The following FBXL13 variants were observed in gnomAD, a reference collection of about 807,000 sequenced individuals.
FBXL13 encodes F-box and leucine rich repeat protein 13, also known as F-box and leucine-rich repeat protein 13.
Under a neutral mutation model 83.6 loss-of-function variants are expected in FBXL13, and 67 were observed. That is an observed-to-expected ratio of 0.80 (90% CI 0.66 to 0.98). The LOEUF is 0.98. Ranked by LOEUF, FBXL13 falls within the 50% of genes least tolerant of loss-of-function variation. FBXL13 has a pLI of 0.00. For synonymous variants in FBXL13, 272 were observed against 299.5 expected (o/e 0.91, Z 0.95); for missense variants, 822 against 866.5 (o/e 0.95, Z 0.64).
exon 10 of FBXL13, chr7:102,926,339 C>G (rs73408247): frequency 9.3e-6 from 15 of 1,613,836 alleles, no homozygotes; most frequent in Non-Finnish European, 9.3e-6. Flanking sequence ...ACAGGACCCC[C>G]GGGCAGCCCT....
At chr7:103,028,606 G>A (rs1244052717) in exon 4 of FBXL13, 18 of 1,565,170 alleles carry the variant, frequency 1.2e-5, no homozygotes, top group Non-Finnish European at 1.6e-5. Context: ...TTACTTTTAA[G>A]TTTTTCTTTC....
At chr7:103,027,466 T>G (rs201139154) in exon 5 of FBXL13, 1 of 1,611,106 alleles carries the variant, frequency 6.2e-7, no homozygotes, top group Non-Finnish European at 8.5e-7. Flanking sequence ...TCTTCTTTCT[T>G]TTTACTCTTA....
At chr7:102,989,266 G>A (rs964057568) in intron 6 of FBXL13, among the ~76,000 whole-genome samples, 2 of 152,180 alleles carry the variant, frequency 1.3e-5, no homozygotes, top group East Asian at 1.9e-4. Flanking sequence ...TAATGAGGCC[G>A]CTTTCTCTGC....
chr7:102,949,456 A>G (rs562794758), intron 8 of FBXL13, among the ~76,000 whole-genome samples: 1 of 152,270 alleles, frequency 6.6e-6, no homozygotes, highest in South Asian at 2.1e-4. Context: ...CCTAGTGTCC[A>G]TCATTCCTCT....
intron 17 of FBXL13, among the ~76,000 whole-genome samples, chr7:102,838,507 G>T (rs996353414): frequency 6.6e-6 from 1 of 152,008 alleles, no homozygotes; most frequent in Non-Finnish European, 1.5e-5. Flanking sequence ...CTGGAGTGCA[G>T]TGGTGTAGGG....
At chr7:103,011,565 G>A (rs1791623017) in intron 6 of FBXL13, among the ~76,000 whole-genome samples, 1 of 151,432 alleles carries the variant, frequency 6.6e-6, no homozygotes, top group Admixed American at 6.6e-5. Context: ...TTGAACCCGG[G>A]AGGCAGAGGT....
At chr7:102,918,605 C>T (rs1438984067) in intron 10 of FBXL13, among the ~76,000 whole-genome samples, 1 of 152,150 alleles carries the variant, frequency 6.6e-6, no homozygotes, top group Non-Finnish European at 1.5e-5. Context: ...TGCCTGAGGC[C>T]ATGAGTTTGA....
chr7:102,838,699 T>C lies in FBXL13; in HGVS notation c.1720-5725A>G, dbSNP rs1024012077. Among the ~76,000 whole-genome samples the C allele has an allele frequency of 3.3e-5, 5 of 152,298 alleles. No homozygotes were observed. In the South Asian group the frequency reaches 1.0e-3, roughly 32 times the overall value. ...GATCAAGGTTTAACGGATCTAGGGT[T>C]GTGCAGGATGTGCCTTGTTAACAAA... On this transcript the variant is annotated intron_variant, in intron 17 of 19. Coordinates refer to ENST00000313221, the Ensembl canonical transcript of FBXL13.
chr7:103,019,528 T>C lies in FBXL13; in HGVS notation c.495+5535A>G, dbSNP rs185443167. ...AAAATCCCTTCAAAAAATCAATGAA[T>C]CCAGGAGCTGGTTTTTTGAAAAGAC... On this transcript the variant is annotated intron_variant, in intron 6 of 19. Transcript: ENST00000313221. Among the ~76,000 whole-genome samples, 173 of 152,172 alleles carry C rather than the reference T, an allele frequency of 1.1e-3. 1 individual carries two copies. The highest frequency in any genetic ancestry group is 9.7e-4 in the Non-Finnish European group (66 of 68,000).
intron 11 of FBXL13, among the ~76,000 whole-genome samples, chr7:102,893,940 G>GAGAAAGAA (rs757315918): frequency 4.8e-5 from 6 of 124,318 alleles, no homozygotes; most frequent in Non-Finnish European, 9.9e-5. Flanking sequence ...GACAGAGAAA[G>GAGAAAGAA]AGAAAGAAAG....
At chr7:102,928,476 G>A (rs556420772) in intron 9 of FBXL13, among the ~76,000 whole-genome samples, 5 of 152,242 alleles carry the variant, frequency 3.3e-5, no homozygotes, top group East Asian at 3.9e-4. Flanking sequence ...CCCAGTCTAC[G>A]TCTCAAAGGG....
At chr7:103,014,999 T>C (rs2129486908) in intron 6 of FBXL13, among the ~76,000 whole-genome samples, 1 of 147,942 alleles carries the variant, frequency 6.8e-6, no homozygotes, top group East Asian at 2.0e-4. Flanking sequence ...TTTTCCACCA[T>C]GGTCAAGTAG....
At chr7:102,978,016 G>A (rs558098817) in intron 6 of FBXL13, among the ~76,000 whole-genome samples, 1 of 152,268 alleles carries the variant, frequency 6.6e-6, no homozygotes, top group South Asian at 2.1e-4. Flanking sequence ...ATTAATGGGT[G>A]CGGCACACCA....
chr7:102,970,013 G>T (rs939755973), intron 6 of FBXL13, among the ~76,000 whole-genome samples: 5 of 152,158 alleles, frequency 3.3e-5, no homozygotes, highest in Non-Finnish European at 7.4e-5. Flanking sequence ...CACTTTAGGA[G>T]GCTGAGGTGG....
At chr7:102,856,656 T>C (rs1806094810) in intron 16 of FBXL13, among the ~76,000 whole-genome samples, 1 of 152,152 alleles carries the variant, frequency 6.6e-6, no homozygotes, top group Non-Finnish European at 1.5e-5. Context: ...ATTGAATTGA[T>C]CAACATTATT....
chr7:102,964,902 C>T (rs1825816584), intron 7 of FBXL13, among the ~76,000 whole-genome samples: 1 of 152,138 alleles, frequency 6.6e-6, no homozygotes, highest in Admixed American at 6.5e-5. Flanking sequence ...GAGTGACTTC[C>T]ATACAACAGA....
At chr7:103,053,907 T>C (rs913468380) in intron 2 of FBXL13, among the ~76,000 whole-genome samples, 1 of 152,248 alleles carries the variant, frequency 6.6e-6, no homozygotes, top group Non-Finnish European at 1.5e-5. Flanking sequence ...CCTCTAATTC[T>C]GTTTCTCTGT....
At chr7:102,997,189 A>G (rs1585289087) in intron 6 of FBXL13, among the ~76,000 whole-genome samples, 1 of 152,330 alleles carries the variant, frequency 6.6e-6, no homozygotes, top group Non-Finnish European at 1.5e-5. Context: ...TTACTTTCAG[A>G]CACAAAATGA....
intron 6 of FBXL13, among the ~76,000 whole-genome samples, chr7:102,971,722 A>C (rs958237462): frequency 1.3e-5 from 2 of 151,630 alleles, no homozygotes; most frequent in African/African-American, 2.4e-5. Flanking sequence ...ACATAGCAAG[A>C]CTCTGTCTCT....
Sources: allele counts gnomAD v4.1 joint callset (sites outside exome capture counted in the v4.1 genomes callset), GRCh38; gene constraint gnomAD v4.1.1; transcripts MANE v1.5; gene names NCBI Gene and HGNC (gene_info 2026-07-23, HGNC 2026-07-21).